OTOGL: variants seen among roughly 807,000 people sequenced by gnomAD.
The protein encoded by OTOGL is otogelin like.
A neutral mutation model predicts 318.5 loss-of-function variants in OTOGL; 285 were observed. The ratio of observed to expected loss-of-function variants is 0.89; its 90% CI spans 0.81 to 0.99. The LOEUF (loss-of-function observed/expected upper bound fraction) is 0.99. OTOGL is among the 50% of genes least tolerant of loss of function. The pLI, the probability that OTOGL is intolerant of heterozygous loss-of-function variation, is 0.00. For missense variants in OTOGL, 2,899 were observed against 2,845.6 expected, an observed-to-expected ratio of 1.02 and a Z score of -0.43; for synonymous variants, 987 against 936.5, an observed-to-expected ratio of 1.05 and a Z score of -0.99.
intron 14 of OTOGL, 27 bp from the exon 15 acceptor site, chr12:80,254,497 G>A (rs1881850637): frequency 6.3e-7 from 1 of 1,580,912 alleles, no homozygotes; most frequent in African/African-American, 1.4e-5. Flanking sequence ...TATGCCAATA[G>A]ATTAATATTT....
intron 1 of OTOGL, among the ~76,000 whole-genome samples, chr12:80,106,414 G>T (rs371836868): frequency 6.6e-6 from 1 of 152,140 alleles, no homozygotes; most frequent in Non-Finnish European, 1.5e-5. Context: ...AATCACCTGT[G>T]TATTTGTTTT....
At chr12:80,241,396 T>A (rs185394066) in intron 11 of OTOGL, among the ~76,000 whole-genome samples, 34 of 152,254 alleles carry the variant, frequency 2.2e-4, no homozygotes, top group Admixed American at 5.9e-4. Context: ...ATATATTTTT[T>A]AAAATTCTAT....
chr12:80,285,807 G>C (rs893443382), intron 26 of OTOGL, among the ~76,000 whole-genome samples: 2 of 152,112 alleles, frequency 1.3e-5, no homozygotes, highest in African/African-American at 4.8e-5. Context: ...ATACAATTAT[G>C]TCATCTGCAA....
rs571504382 is a variant in OTOGL, at chr12:80,115,343, A to C, written c.-20+15738A>C. On this transcript the variant is annotated intron_variant, in intron 1 of 58. Coordinates refer to ENST00000547103, the MANE Select transcript of OTOGL (RefSeq NM_001378609.3). ...TCTCTTTGTAATTTTTCCTTCTAAC[A>C]GTCAGGTCCCTCTTCTGCAGGTCTG... 1.3e-3 allele frequency among the ~76,000 whole-genome samples: 199 copies of C among 152,190 alleles called. 1 individual carries two copies. Among genetic ancestry groups the C allele is most frequent in the Non-Finnish European group, 2.2e-3 (152 of 68,012 alleles).
At chr12:80,154,082 G>A (rs769066584) in intron 1 of OTOGL, among the ~76,000 whole-genome samples, 4 of 152,204 alleles carry the variant, frequency 2.6e-5, no homozygotes, top group Non-Finnish European at 5.9e-5. Context: ...GCCGAGGTGG[G>A]TGGATCACTT....
chr12:80,128,318 T>C (rs1433825009), intron 1 of OTOGL, among the ~76,000 whole-genome samples: 1 of 152,224 alleles, frequency 6.6e-6, no homozygotes, highest in Non-Finnish European at 1.5e-5. Flanking sequence ...CAGACCCTGT[T>C]TGCCTGGGTT....
chr12:80,290,867 T>C (rs191439804), intron 26 of OTOGL, among the ~76,000 whole-genome samples: 25 of 152,348 alleles, frequency 1.6e-4, no homozygotes, highest in Admixed American at 1.6e-3. Flanking sequence ...ATACTCCATA[T>C]TAAGACAGAT....
At chr12:80,278,392 T>C (rs1883967856) in intron 25 of OTOGL, 117 bp downstream of exon 25, 4 of 797,168 alleles carry the variant, frequency 5.0e-6, no homozygotes. Context: ...CCTCAGCAAA[T>C]AATTTAAAGG....
At chr12:80,296,413 C>G (rs1885398327) in intron 26 of OTOGL, among the ~76,000 whole-genome samples, 1 of 152,068 alleles carries the variant, frequency 6.6e-6, no homozygotes, top group Non-Finnish European at 1.5e-5. Context: ...TATTTGAATT[C>G]TAACTTATAG....
intron 44 of OTOGL, among the ~76,000 whole-genome samples, chr12:80,346,590 G>A (rs559971232): frequency 1.6e-4 from 24 of 152,286 alleles, no homozygotes; most frequent in Admixed American, 1.4e-3. Context: ...GAACCTTTCA[G>A]TGTCCGTCAT....
intron 7 of OTOGL, among the ~76,000 whole-genome samples, chr12:80,223,083 C>T (rs1166629349): frequency 6.6e-6 from 1 of 151,886 alleles, no homozygotes; most frequent in Non-Finnish European, 1.5e-5. Flanking sequence ...TAATTCTTAT[C>T]CCTTTGCATT....
intron 26 of OTOGL, among the ~76,000 whole-genome samples, chr12:80,292,106 A>G (rs567764200): frequency 7.9e-5 from 12 of 152,164 alleles, no homozygotes; most frequent in Non-Finnish European, 1.8e-4. Context: ...ATCCTGCTTC[A>G]ACCTCCCAAG....
chr12:80,319,009 T>G (rs1489743465), intron 33 of OTOGL, among the ~76,000 whole-genome samples: 6 of 152,186 alleles, frequency 3.9e-5, no homozygotes, highest in Non-Finnish European at 7.4e-5. Context: ...TAATTTGATG[T>G]TTTTGAAAAA....
chr12:80,189,240 G>C (rs562633146), intron 1 of OTOGL: 10 of 176,506 alleles, frequency 5.7e-5, no homozygotes, highest in Non-Finnish European at 1.1e-4. Context: ...AAGGTCCCAT[G>C]TCCCACAACT....
At chr12:80,146,628 G>C (rs1290732337) in intron 1 of OTOGL, among the ~76,000 whole-genome samples, 6 of 151,918 alleles carry the variant, frequency 3.9e-5, no homozygotes, top group Non-Finnish European at 8.8e-5. Flanking sequence ...GTTTCAGAAG[G>C]AATGGTATCA....
intron 1 of OTOGL, among the ~76,000 whole-genome samples, chr12:80,177,435 T>C (rs1874603935): frequency 6.6e-6 from 1 of 152,236 alleles, no homozygotes; most frequent in African/African-American, 2.4e-5. Context: ...ATGTATGATA[T>C]ATCTCTTGAT....
Position 80,380,680 on chromosome 12 carries a change from C to T in OTOGL, c.*2632C>T, listed in dbSNP as rs962315767. The T allele has an allele frequency of 3.3e-5, 5 of 152,038 alleles. No individual in the cohort carries two copies. The East Asian group carries it at 9.7e-4, about 29-fold the overall frequency. 9.4% of individuals were successfully genotyped at this position (152,038 alleles called of 1,614,324 possible). On this transcript the variant is annotated 3_prime_UTR_variant, in exon 59 of 59. Transcript: ENST00000547103. ...CTCTCACATGTCATTGATGGTAACA[C>T]AAAATTGTAGAAATCCTAGGGAAAA...
At chr12:80,237,015 G>A (rs564625652) in intron 9 of OTOGL, among the ~76,000 whole-genome samples, 3 of 151,580 alleles carry the variant, frequency 2.0e-5, no homozygotes, top group East Asian at 1.9e-4. Context: ...GGGTTTCACC[G>A]TGTTGGCCAG....
chr12:80,147,626 C>T (rs9737714), intron 1 of OTOGL, among the ~76,000 whole-genome samples: 79,123 of 150,598 alleles, frequency 0.53, 21,739 homozygotes, highest in African/African-American at 0.71. Flanking sequence ...CTTTCTGTCT[C>T]CTTGATCTGT....
Sources: allele counts gnomAD v4.1 joint callset (sites outside exome capture counted in the v4.1 genomes callset), GRCh38; gene constraint gnomAD v4.1.1; transcripts MANE v1.5; gene names NCBI Gene and HGNC (gene_info 2026-07-23, HGNC 2026-07-21).